The following SMG6 variants were observed in gnomAD, a reference collection of about 807,000 sequenced individuals.
SMG6 encodes SMG6 nonsense mediated mRNA decay factor.
SMG6 carries 66 observed loss-of-function variants against 142.2 expected under a neutral mutation model. The ratio of observed to expected loss-of-function variants is 0.46; its 90% CI spans 0.38 to 0.57. The LOEUF is 0.57. Ranked by LOEUF, SMG6 falls within the 20% of genes least tolerant of loss-of-function variation. The pLI is 0.00. For synonymous variants in SMG6, 779 were observed against 702.4 expected, an observed-to-expected ratio of 1.11 and a Z score of -1.72; for missense variants, 1,793 against 1,832.0, an observed-to-expected ratio of 0.98 and a Z score of 0.39.
chr17:2,299,565 G>A lies in SMG6; in HGVS notation c.1188C>T (p.Asn396=), dbSNP rs374794353. ...GKGSEKQESK[N]PKQELRGRGR... is the part of the protein sequence containing the mutation. ...CACGACCCCGAAGTTCTTGTTTCGG[G>A]TTTTTGGACTCCTGCTTCTCAGAGC... The change falls in exon 2 of 19, where the codon AAC becomes AAT. Residue 396 remains asparagine, a synonymous_variant. Transcript: ENST00000263073. The surrounding 1 kb of genome is among the most constrained non-coding windows in gnomAD (Gnocchi z 4.3). 3.8e-5 allele frequency: 62 copies of A among 1,614,000 alleles called. No homozygotes were observed. In the African/African-American group the frequency reaches 6.8e-4, roughly 18 times the overall value.
intron 8 of SMG6, among the ~76,000 whole-genome samples, chr17:2,263,484 T>C (rs1169708258): frequency 2.0e-5 from 3 of 152,176 alleles, no homozygotes; most frequent in Non-Finnish European, 2.9e-5. Flanking sequence ...GTGATTTCTA[T>C]AATAAATGCT....
chr17:2,064,948 C>T, intron 18 of SMG6, 125 bp downstream of exon 18: 1 of 755,568 alleles, frequency 1.3e-6, no homozygotes, highest in Non-Finnish European at 2.3e-6. Context: ...ATACATCAGC[C>T]CTGAGCACTG....
chr17:2,121,578 C>CGTGT (rs2069691479), intron 13 of SMG6, among the ~76,000 whole-genome samples: 2 of 58,510 alleles, frequency 3.4e-5, no homozygotes, highest in Non-Finnish European at 6.1e-5. Context: ...TATATATGTA[C>CGTGT]ATGTCTGTCT....
chr17:2,294,385 C>T (rs1335619029), intron 4 of SMG6, among the ~76,000 whole-genome samples: 30 of 152,148 alleles, frequency 2.0e-4, no homozygotes. Context: ...CAAAACAAAA[C>T]AAATTCTTTC....
At chr17:2,139,896 T>C (rs1268037893) in intron 13 of SMG6, among the ~76,000 whole-genome samples, 3 of 151,864 alleles carry the variant, frequency 2.0e-5, no homozygotes, top group African/African-American at 7.2e-5. Flanking sequence ...CGGCTAATTT[T>C]TGTATTTTTA....
At chr17:2,075,536 G>A (rs917014857) in intron 15 of SMG6, among the ~76,000 whole-genome samples, 2 of 152,220 alleles carry the variant, frequency 1.3e-5, no homozygotes, top group African/African-American at 4.8e-5. Flanking sequence ...GAGGAAGCGG[G>A]GGATTCACAG....
chr17:2,095,705 G>A (rs1476928614), intron 13 of SMG6, among the ~76,000 whole-genome samples: 5 of 152,188 alleles, frequency 3.3e-5, no homozygotes, highest in Non-Finnish European at 7.3e-5. Context: ...GAGAAGAAAA[G>A]CTCCTTGCAG....
At chr17:2,134,833 A>G (rs1040945962) in intron 13 of SMG6, among the ~76,000 whole-genome samples, 1 of 151,928 alleles carries the variant, frequency 6.6e-6, no homozygotes, top group Non-Finnish European at 1.5e-5. Context: ...CTCCCTCTCA[A>G]TATCCTCCCT....
intron 10 of SMG6, among the ~76,000 whole-genome samples, chr17:2,195,894 G>A (rs2072309611): frequency 6.6e-6 from 1 of 152,012 alleles, no homozygotes; most frequent in South Asian, 2.1e-4. Context: ...TCACACGCCC[G>A]TGACTCAAGT....
At chr17:2,294,068 T>G (rs1458196484) in intron 4 of SMG6, among the ~76,000 whole-genome samples, 1 of 152,062 alleles carries the variant, frequency 6.6e-6, no homozygotes, top group African/African-American at 2.4e-5. Flanking sequence ...AATTAACATA[T>G]CACTGAATAA....
chr17:2,093,286 G>T (rs1181138785), intron 13 of SMG6, among the ~76,000 whole-genome samples: 1 of 152,022 alleles, frequency 6.6e-6, no homozygotes, highest in African/African-American at 2.4e-5. Context: ...TGGGCATGGT[G>T]GTGCAACACA....
intron 13 of SMG6, among the ~76,000 whole-genome samples, chr17:2,104,231 G>C (rs954316999): frequency 1.3e-5 from 2 of 151,968 alleles, no homozygotes; most frequent in East Asian, 1.9e-4. Context: ...GATTACAGGC[G>C]TGAGCCACCG....
intron 17 of SMG6, 106 bp from the exon 18 acceptor site, chr17:2,065,260 CG>C: frequency 9.3e-7 from 1 of 1,069,654 alleles, no homozygotes. Flanking sequence ...GCCACCTCCC[CG>C]ATCCCTCCCA....
intron 18 of SMG6, 44 bp from the exon 19 acceptor site, chr17:2,061,666 G>A (rs189489015): frequency 1.9e-6 from 3 of 1,548,634 alleles, no homozygotes; most frequent in Non-Finnish European, 1.7e-6. Flanking sequence ...AGGACAGGAG[G>A]CAGAGGGCTG....
At chr17:2,100,139 G>T (rs919421768) in intron 13 of SMG6, among the ~76,000 whole-genome samples, 1 of 150,968 alleles carries the variant, frequency 6.6e-6, no homozygotes, top group African/African-American at 2.4e-5. Context: ...CCAGATCTAA[G>T]CAATTCTTCT....
Position 2,085,194 on chromosome 17 carries a change from G to T in SMG6, c.3534+531C>A, listed in dbSNP as rs575315846. 6.6e-6 allele frequency among the ~76,000 whole-genome samples: 1 copy of T among 152,006 alleles called. No individual in the cohort carries two copies. Among genetic ancestry groups the T allele is most frequent in the Admixed American group, 6.5e-5 (1 of 15,274 alleles). ...CACACACGAGTCTGGAGTGAAGCAA[G>T]GGCTACAGGAACAACCAAGGGCAAA... On this transcript the variant is annotated intron_variant, in intron 14 of 18. Transcript: ENST00000263073. This position sits in a 1 kb window ranked among gnomAD's most constrained non-coding sequence, Gnocchi z 4.1.
intron 13 of SMG6, among the ~76,000 whole-genome samples, chr17:2,093,956 C>G (rs977355467): frequency 6.6e-6 from 1 of 152,114 alleles, no homozygotes; most frequent in Non-Finnish European, 1.5e-5. Flanking sequence ...ATCCAGGCTA[C>G]TGGGCTGGCC....
intron 13 of SMG6, among the ~76,000 whole-genome samples, chr17:2,126,698 AGAGT>A (rs1272755871): frequency 6.7e-6 from 1 of 149,838 alleles, no homozygotes; most frequent in Non-Finnish European, 1.5e-5. Flanking sequence ...CCTGGGCAAC[AGAGT>A]GAGGCTCAGT....
In SMG6 at chr17:2,085,674, A is replaced by T. The variant is rs903240066; in HGVS notation, c.3534+51T>A. The T allele has an allele frequency of 6.4e-7, 1 of 1,555,222 alleles. No homozygotes were observed. The highest frequency in any genetic ancestry group is 8.7e-7 in the Non-Finnish European group (1 of 1,144,898). ...GAGGAAAAGCTGAAGCCACGAGCAG[A>T]ATGGGGAGGGGGCCTTCCCTCTGCC... On this transcript the variant is annotated intron_variant, in intron 14 of 18. Coordinates refer to ENST00000263073, the MANE Select transcript of SMG6 (RefSeq NM_017575.5). This position sits in a 1 kb window ranked among gnomAD's most constrained non-coding sequence, Gnocchi z 4.1.
Sources: gnomAD v4.1 joint callset for allele counts (sites outside exome capture counted in the v4.1 genomes callset) on GRCh38, gnomAD v4.1.1 for gene constraint, Gnocchi (gnomAD v3.1) non-coding constraint, MANE v1.5 for transcripts, NCBI Gene and HGNC (gene_info 2026-07-23, HGNC 2026-07-21) for gene names.